ZNF98: variants seen among roughly 807,000 people sequenced by gnomAD.
ZNF98 encodes the protein zinc finger protein 98.
In ZNF98, 8 loss-of-function variants were observed where a neutral mutation model predicts 12.8. That is an observed-to-expected ratio of 0.63 (90% CI 0.37 to 1.13). ZNF98 has a LOEUF of 1.13. Among genes scored for constraint, ZNF98 ranks in the 50% most tolerant of loss-of-function variants. The pLI is 0.01. For synonymous variants in ZNF98, 112 were observed against 223.5 expected (o/e 0.50, Z 4.45); for missense variants, 379 against 666.1 (o/e 0.57, Z 4.74).
rs1341666111 is a variant in ZNF98, at chr19:22,397,205, TGTG to T, written c.254-4227_254-4225del. 1.3e-3 allele frequency among the ~76,000 whole-genome samples: 98 copies of T among 74,430 alleles called. 1 individual carries two copies. The highest frequency in any genetic ancestry group is 3.4e-3 in the African/African-American group (93 of 27,044). 48.8% of individuals were successfully genotyped at this position (74,430 alleles called of 152,430 possible). ...GTATGTACATCTGTGTGTGTGTGTG[TGTG>T]TTTTTGTGTGTGTGTGTGTGTGTGT... is the stretch of plus-strand genomic sequence containing the variant. On this transcript the variant is annotated intron_variant, in intron 3 of 3. Transcript: ENST00000357774.
intron 1 of ZNF98, among the ~76,000 whole-genome samples, chr19:22,411,993 A>G (rs1391370812): frequency 6.6e-6 from 1 of 152,250 alleles, no homozygotes; most frequent in African/African-American, 2.4e-5. Context: ...TACAACACCC[A>G]TGGGCACTAA....
intron 1 of ZNF98, among the ~76,000 whole-genome samples, chr19:22,414,420 C>A (rs888679708): frequency 1.3e-5 from 2 of 151,760 alleles, no homozygotes; most frequent in Admixed American, 6.6e-5. Flanking sequence ...CAAGAAAGGG[C>A]CCAAATAGCC....
rs746839291 is a variant in ZNF98 at position 22,422,178 on chromosome 19, G to A, written c.30+17C>T. 63 of 1,612,664 alleles carry A rather than the reference G, an allele frequency of 3.9e-5. No individual in the cohort carries two copies. Among genetic ancestry groups the A allele is most frequent in the Non-Finnish European group, 5.1e-5 (60 of 1,179,142 alleles). On this transcript the variant is annotated intron_variant, in intron 1 of 3. Transcript: ENST00000357774. ...GCCCCTTCTCCTCTCTAGGGATGTC[G>A]GACTCGGCACTCTCACCATTTCTAG...
At chr19:22,420,424 A>T (rs2145125182) in intron 1 of ZNF98, among the ~76,000 whole-genome samples, 1 of 152,240 alleles carries the variant, frequency 6.6e-6, no homozygotes, top group African/African-American at 2.4e-5. Flanking sequence ...ATCTTAGAGC[A>T]TTTAGGGGGC....
intron 1 of ZNF98, among the ~76,000 whole-genome samples, chr19:22,420,745 G>GA (rs1163145239): frequency 1.4e-5 from 2 of 145,892 alleles, no homozygotes; most frequent in South Asian, 2.5e-4. Context: ...CCAGGAACAA[G>GA]AAAAAACGAC....
At chr19:22,415,634 A>T (rs1358539581) in intron 1 of ZNF98, among the ~76,000 whole-genome samples, 26 of 150,662 alleles carry the variant, frequency 1.7e-4, no homozygotes, top group Admixed American at 1.7e-3. Flanking sequence ...AAAAAAAAAA[A>T]TTAGCCAGGT....
chr19:22,403,449 T>C lies in ZNF98; in HGVS notation c.94A>G (p.Thr32Ala). 1.2e-6 allele frequency: 2 copies of C among 1,610,138 alleles called. No homozygotes were observed. Among genetic ancestry groups the C allele is most frequent in the Non-Finnish European group, 1.7e-6 (2 of 1,179,088 alleles). The change falls in exon 2 of 4, where the codon ACC (threonine) becomes GCC (alanine). Residue 32 changes from threonine to alanine, a missense_variant. Transcript: ENST00000357774. ...FSLEEWQCLD[T>A]AQQNLYRNVM... ...TTCCTATATAAATTCTGCTGTGCGGTGTCCAGGCATTGCCACTCCTCCAGA... is the reference window on the plus strand; with the variant it reads ...TTCCTATATAAATTCTGCTGTGCGGCGTCCAGGCATTGCCACTCCTCCAGA...
Position 22,391,341 on chromosome 19 carries a change from A to G in ZNF98, c.*175T>C, listed in dbSNP as rs935825826. On this transcript the variant is annotated 3_prime_UTR_variant, in exon 4 of 4. Transcript: ENST00000357774. ...TATTAATCACTTTTTTACTTTCTTTATATTTGTACATTTGTTCTCATCAAG... is the reference window on the plus strand; with the variant it reads ...TATTAATCACTTTTTTACTTTCTTTGTATTTGTACATTTGTTCTCATCAAG... 9.8e-6 allele frequency: 13 copies of G among 1,325,004 alleles called. 1 individual carries two copies. In the South Asian group the frequency reaches 1.1e-4, roughly 12 times the overall value. The allele number at this position is 1,325,004 out of a possible 1,614,324, so 82.1% of individuals were successfully genotyped here.
chr19:22,408,242 A>G (rs1256434069), intron 1 of ZNF98, among the ~76,000 whole-genome samples: 1 of 152,188 alleles, frequency 6.6e-6, no homozygotes, highest in Non-Finnish European at 1.5e-5. Flanking sequence ...ATAAAATTCA[A>G]CTTTCTTTCA....
At chr19:22,393,131 C>T in intron 3 of ZNF98, 150 bp from the exon 4 acceptor site, 1 of 893,152 alleles carries the variant, frequency 1.1e-6, no homozygotes, top group African/African-American at 1.7e-5. Context: ...CATATAAAAG[C>T]ATACAGAACA....
At chr19:22,400,580 C>G (rs367920121) in intron 3 of ZNF98, among the ~76,000 whole-genome samples, 5,287 of 151,362 alleles carry the variant, frequency 0.035, 148 homozygotes, top group African/African-American at 0.12. Flanking sequence ...CTACCTACCC[C>G]TCTCCACTAC....
intron 1 of ZNF98, among the ~76,000 whole-genome samples, chr19:22,409,134 C>T (rs1969553510): frequency 6.6e-6 from 1 of 152,060 alleles, no homozygotes; most frequent in Admixed American, 6.5e-5. Flanking sequence ...GAAATAACAC[C>T]ACACATCTAC....
chr19:22,406,019 A>G (rs1969515048), intron 1 of ZNF98, among the ~76,000 whole-genome samples: 1 of 152,186 alleles, frequency 6.6e-6, no homozygotes, highest in South Asian at 2.1e-4. Context: ...CTCTGTGGGA[A>G]CAGCAGACTT....
chr19:22,394,607 G>A lies in ZNF98; in HGVS notation c.254-1626C>T, dbSNP rs190958201. 1.9e-3 allele frequency among the ~76,000 whole-genome samples: 288 copies of A among 151,244 alleles called. 4 individuals are homozygous for A. Among genetic ancestry groups the A allele is most frequent in the African/African-American group, 6.5e-3 (267 of 41,168 alleles). On this transcript the variant is annotated intron_variant, in intron 3 of 3. Transcript: ENST00000357774. ...AAGGACAGAAAACCAAACACCGCAT[G>A]TTCTCACTCATAGGTGGGAATTGAG...
At chr19:22,400,600 G>A (rs1969445110) in intron 3 of ZNF98, among the ~76,000 whole-genome samples, 2 of 151,410 alleles carry the variant, frequency 1.3e-5, no homozygotes, top group Admixed American at 1.3e-4. Context: ...CAAACCCATA[G>A]GACATCCCAT....
Position 22,392,429 on chromosome 19 carries a change from T to C in ZNF98, c.806A>G (p.Glu269Gly). ...TTGGTTAAAAGCTTTGCCACACTCC[T>C]CACATTTGTAGGGTTTCTTTCCAGT... ...IHTGKKPYKCEECGKAFNQSA... is the reference protein window; with the variant it reads ...IHTGKKPYKCGECGKAFNQSA... Residue 269 changes from glutamate (E) to glycine (G), a missense_variant, in exon 4 of 4, where the codon GAG (glutamate) becomes GGG (glycine). Around this residue, in one of 8 missense-constraint regions of ZNF98, gnomAD observed 24 missense variants for 48.8 expected, o/e 0.49. Transcript: ENST00000357774. The C allele has an allele frequency of 6.5e-7, 1 of 1,547,246 alleles. No homozygotes were observed. The highest frequency in any genetic ancestry group is 1.2e-5 in the South Asian group (1 of 84,570).
chr19:22,403,576 A>C, intron 1 of ZNF98, 64 bp from the exon 2 acceptor site: 12 of 1,511,734 alleles, frequency 7.9e-6, no homozygotes, highest in South Asian at 1.3e-5. Context: ...TTTTAATTTG[A>C]CTCAAGGTAA....
At chr19:22,415,119 A>G (rs1307317973) in intron 1 of ZNF98, among the ~76,000 whole-genome samples, 1 of 152,224 alleles carries the variant, frequency 6.6e-6, no homozygotes, top group East Asian at 1.9e-4. Context: ...GCTAACAAGC[A>G]TATAAAAAAT....
Position 22,395,878 on chromosome 19 carries a change from A to AC in ZNF98, c.254-2898_254-2897insG, listed in dbSNP as rs1568290720. ...TGACACAAAGTCCTGAGGGGGGGGA[A>AC]AAAAAAAAGCTATCAAGTTGAGAAT... On this transcript the variant is annotated intron_variant, in intron 3 of 3. Transcript: ENST00000357774. Among the ~76,000 whole-genome samples the AC allele has an allele frequency of 2.6e-5, 4 of 151,416 alleles. No homozygotes were observed. The East Asian group carries it at 7.8e-4, about 29-fold the overall frequency.
Sources: gnomAD v4.1 joint callset for allele counts (sites outside exome capture counted in the v4.1 genomes callset) on GRCh38, gnomAD v4.1.1 for gene constraint, gnomAD v4.1.1 regional missense constraint, MANE v1.5 for transcripts, NCBI Gene and HGNC (gene_info 2026-07-23, HGNC 2026-07-21) for gene names.